The following GTF2H1 variants were observed in gnomAD, a reference collection of about 807,000 sequenced individuals.
GTF2H1 encodes BTF2 p62.
GTF2H1 carries 16 observed loss-of-function variants against 71.2 expected under a neutral mutation model. That is an observed-to-expected ratio of 0.22 (90% confidence interval 0.15 to 0.34). The LOEUF (loss-of-function observed/expected upper bound fraction) is 0.34, where lower values mean the gene tolerates loss of function less well. GTF2H1 is among the 10% of genes least tolerant of loss of function. GTF2H1 has a pLI of 1.00. For synonymous variants in GTF2H1, 215 were observed against 219.0 expected, an observed-to-expected ratio of 0.98 and a Z score of 0.16; for missense variants, 498 against 648.2, an observed-to-expected ratio of 0.77 and a Z score of 2.52.
chr11:18,344,212 T>TA (rs1437758466), intron 7 of GTF2H1, among the ~76,000 whole-genome samples: 5 of 152,208 alleles, frequency 3.3e-5, no homozygotes, highest in African/African-American at 4.8e-5. Flanking sequence ...CACAAACGCT[T>TA]ACACCCTTTC....
At chr11:18,359,400 A>G (rs977789483) in intron 13 of GTF2H1, among the ~76,000 whole-genome samples, 25 of 152,196 alleles carry the variant, frequency 1.6e-4, no homozygotes, top group Non-Finnish European at 1.9e-4. Flanking sequence ...TAAATTTTTT[A>G]AAAGAATATT....
chr11:18,327,846 C>T (rs1192052922), intron 1 of GTF2H1, among the ~76,000 whole-genome samples: 1 of 152,204 alleles, frequency 6.6e-6, no homozygotes, highest in Admixed American at 6.5e-5. Context: ...GCCTCGGCTT[C>T]CTAAAGTGAT....
intron 9 of GTF2H1, 84 bp from the exon 10 acceptor site, chr11:18,351,797 C>A: frequency 1.1e-5 from 8 of 731,718 alleles, no homozygotes; most frequent in Non-Finnish European, 1.9e-5. Flanking sequence ...TTTTTACCCT[C>A]TGTACAGTTT....
chr11:18,334,785 A>C (rs1864985999), intron 2 of GTF2H1, among the ~76,000 whole-genome samples: 1 of 152,188 alleles, frequency 6.6e-6, no homozygotes, highest in Non-Finnish European at 1.5e-5. Context: ...AATATGCCCC[A>C]CCTAGATATT....
In GTF2H1 at chr11:18,341,547, A is replaced by G. The variant is rs750974125; in HGVS notation, c.777A>G (p.Ser259=). ...IDEKGLKTMV[S]LGVKNPLLDL... ...TTCTAGGCCTAAAAACAATGGTTTC[A>G]TTAGGAGTGAAAAACCCACTACTAG... The change falls in exon 7 of 15, where the codon TCA becomes TCG. Residue 259 remains serine, a synonymous_variant. Coordinates refer to ENST00000265963, the MANE Select transcript of GTF2H1 (RefSeq NM_005316.4). 9 of 1,611,856 alleles carry G rather than the reference A, an allele frequency of 5.6e-6. No individual in the cohort carries two copies. The highest frequency in any genetic ancestry group is 1.7e-5 in the Admixed American group (1 of 59,794).
At chr11:18,329,160 G>T in intron 1 of GTF2H1, among the ~76,000 whole-genome samples, 1 of 108,900 alleles carries the variant, frequency 9.2e-6, no homozygotes, top group East Asian at 4.4e-4. Flanking sequence ...GAGGAAAATT[G>T]ATGTTAGGGT....
chr11:18,360,580 T>G (rs767865360), intron 13 of GTF2H1, 35 bp from the exon 14 acceptor site: 1 of 1,022,280 alleles, frequency 9.8e-7, no homozygotes, highest in East Asian at 2.6e-5. Context: ...CAGCTTGAGA[T>G]TTCTCTGTAA....
In GTF2H1 at chr11:18,335,839, C is replaced by A. The variant is rs753960113; in HGVS notation, c.240C>A (p.Ser80=). ...HAGDTTNFHF[S]NESTAVKERD... ...GGGACACAACTAACTTCCATTTTTCCAATGAAAGCACAGCAGTGAAAGAGC... is the reference window on the plus strand; with the variant it reads ...GGGACACAACTAACTTCCATTTTTCAAATGAAAGCACAGCAGTGAAAGAGC... The change falls in exon 3 of 15, where the codon TCC becomes TCA. Residue 80 remains serine, a synonymous_variant. Transcript: ENST00000265963. 6.2e-7 allele frequency: 1 copy of A among 1,613,828 alleles called. No individual in the cohort carries two copies. The highest frequency in any genetic ancestry group is 8.5e-7 in the Non-Finnish European group (1 of 1,179,706).
At chr11:18,327,787 C>G (rs918110860) in intron 1 of GTF2H1, among the ~76,000 whole-genome samples, 1 of 152,146 alleles carries the variant, frequency 6.6e-6, no homozygotes, top group African/African-American at 2.4e-5. Flanking sequence ...CAGGGTTTTG[C>G]TATGTTGCAC....
chr11:18,354,530 C>T (rs1865497974), intron 11 of GTF2H1, among the ~76,000 whole-genome samples: 1 of 152,146 alleles, frequency 6.6e-6, no homozygotes, highest in Admixed American at 6.5e-5. Context: ...CTCCTAGACT[C>T]AAGCAATCCT....
intron 1 of GTF2H1, among the ~76,000 whole-genome samples, chr11:18,328,437 T>A (rs1180761911): frequency 8.6e-6 from 1 of 116,158 alleles, no homozygotes. Flanking sequence ...TTCCTGGAAC[T>A]GGGAGGAGGA....
chr11:18,341,881 G>A (rs1389285031), intron 7 of GTF2H1: 5 of 297,154 alleles, frequency 1.7e-5, no homozygotes, highest in Non-Finnish European at 3.1e-5. Context: ...AAGGCTTAAT[G>A]TGATGAGTTC....
At chr11:18,332,474 A>G (rs1864923014) in intron 1 of GTF2H1, among the ~76,000 whole-genome samples, 1 of 152,230 alleles carries the variant, frequency 6.6e-6, no homozygotes, top group African/African-American at 2.4e-5. Context: ...ATACCAATGA[A>G]TCATGGCCAA....
intron 9 of GTF2H1, chr11:18,351,445 T>G (rs2133980211): frequency 1.3e-5 from 2 of 152,382 alleles, no homozygotes; most frequent in South Asian, 2.1e-4. Context: ...AGGAGAGGAT[T>G]TTTTTATAAT....
Position 18,338,197 on chromosome 11 carries a change from C to G in GTF2H1, c.436C>G (p.Arg146Gly). Residue 146 changes from arginine (R) to glycine (G), a missense_variant, in exon 4 of 15, where the codon CGT becomes GGT. This residue lies in a region of GTF2H1 where 216 missense variants were observed against 306.2 expected (regional missense o/e 0.71). Coordinates refer to ENST00000265963, the MANE Select transcript of GTF2H1 (RefSeq NM_005316.4). ...CAGTGCTGAGGAATTCTGGGCCAAT[C>G]GTTTAAATGTGAATGCAACAGATAG... Reference protein sequence around the residue: ...VISAEEFWANRLNVNATDSSS... With the variant: ...VISAEEFWANGLNVNATDSSS... 6.2e-7 allele frequency: 1 copy of G among 1,606,936 alleles called. No homozygotes were observed. Among genetic ancestry groups the G allele is most frequent in the Admixed American group, 1.7e-5 (1 of 60,014 alleles).
At chr11:18,356,707 C>T (rs1865556979) in intron 11 of GTF2H1, among the ~76,000 whole-genome samples, 1 of 151,992 alleles carries the variant, frequency 6.6e-6, no homozygotes, top group Admixed American at 6.6e-5. Flanking sequence ...ACCTCAGCCT[C>T]CTGAGTCACT....
chr11:18,327,191 G>A (rs1407108290), intron 1 of GTF2H1, among the ~76,000 whole-genome samples: 1 of 151,750 alleles, frequency 6.6e-6, no homozygotes, highest in Non-Finnish European at 1.5e-5. Context: ...CACTTTCCTG[G>A]GTTACCTTTA....
intron 1 of GTF2H1, among the ~76,000 whole-genome samples, chr11:18,324,581 A>C (rs1423455647): frequency 1.3e-5 from 2 of 152,120 alleles, no homozygotes; most frequent in East Asian, 3.8e-4. Flanking sequence ...CCCTACCATC[A>C]GAATGTTGTC....
intron 1 of GTF2H1, 165 bp from the exon 2 acceptor site, chr11:18,332,895 G>A (rs561800144): frequency 1.4e-4 from 71 of 493,826 alleles, no homozygotes; most frequent in African/African-American, 5.3e-4. Context: ...GAATGATGCC[G>A]TGCAACTTTA....
Sources: gnomAD v4.1 joint callset for allele counts (sites outside exome capture counted in the v4.1 genomes callset) on GRCh38, gnomAD v4.1.1 for gene constraint, gnomAD v4.1.1 regional missense constraint, MANE v1.5 for transcripts, NCBI Gene and HGNC (gene_info 2026-07-23, HGNC 2026-07-21) for gene names.